Variants in ANKS4B observed in about 807,000 individuals in gnomAD.
The protein encoded by ANKS4B is ankyrin repeat and SAM domain-containing protein 4B.
Under a neutral mutation model 20.2 loss-of-function variants are expected in ANKS4B, and 21 were observed. That is an observed-to-expected ratio of 1.04 (90% CI 0.74 to 1.50). ANKS4B has a LOEUF of 1.50. Ranked by LOEUF, ANKS4B falls within the 40% of genes most tolerant of loss-of-function variation. The probability of loss-of-function intolerance (pLI) is 0.00; values close to 1 mark genes in which losing one functional copy is unlikely to be tolerated. For synonymous variants in ANKS4B, 179 were observed against 194.5 expected (o/e 0.92, Z 0.66); for missense variants, 473 against 494.6 (o/e 0.96, Z 0.41).
At chr16:21,243,237 C>T (rs1251606467) in intron 1 of ANKS4B, among the ~76,000 whole-genome samples, 1 of 152,130 alleles carries the variant, frequency 6.6e-6, no homozygotes, top group Non-Finnish European at 1.5e-5. Context: ...CCCAAATGCA[C>T]TGATCTACCA....
At chr16:21,236,196 G>C (rs2093320017) in intron 1 of ANKS4B, among the ~76,000 whole-genome samples, 3 of 152,156 alleles carry the variant, frequency 2.0e-5, no homozygotes, top group African/African-American at 2.4e-5. Context: ...AAGAGCAAGA[G>C]AGCAAGGGGG....
intron 1 of ANKS4B, among the ~76,000 whole-genome samples, chr16:21,242,026 C>T (rs1449623993): frequency 6.6e-6 from 1 of 152,032 alleles, no homozygotes; most frequent in Non-Finnish European, 1.5e-5. Flanking sequence ...AGCAAGACCC[C>T]ATCTCTATAA....
At position 21,233,846 on chromosome 16, in the gene ANKS4B, C is replaced by T; in HGVS notation, c.109C>T (p.Leu37Phe). The T allele has an allele frequency of 6.2e-7, 1 of 1,613,928 alleles. No homozygotes were observed. The highest frequency in any genetic ancestry group is 8.5e-7 in the Non-Finnish European group (1 of 1,179,898). The change falls in exon 1 of 2, where the codon CTC becomes TTC. Residue 37 changes from leucine to phenylalanine, a missense_variant. By Grantham distance (22) the Leu-to-Phe change is conservative (BLOSUM62 0). Transcript: ENST00000311620. ...LSDEDGMTPT[L>F]LAAYHGNLEA... is the part of the protein sequence containing the mutation. ...GGATGAAGACGGCATGACTCCTACTCTCTTGGCAGCCTACCATGGGAACTT... is the reference window on the plus strand; with the variant it reads ...GGATGAAGACGGCATGACTCCTACTTTCTTGGCAGCCTACCATGGGAACTT...
intron 1 of ANKS4B, chr16:21,243,957 T>C (rs2093329388): frequency 6.6e-6 from 1 of 152,010 alleles, no homozygotes; most frequent in Non-Finnish European, 1.5e-5. Flanking sequence ...AAATCTGGAA[T>C]TTTGCATTTG....
chr16:21,233,915 G>C lies in ANKS4B; in HGVS notation c.164+14G>C, dbSNP rs80309868. 5.6e-6 allele frequency: 9 copies of C among 1,603,386 alleles called. No individual in the cohort carries two copies. Among genetic ancestry groups the C allele is most frequent in the Non-Finnish European group, 7.7e-6 (9 of 1,174,316 alleles). ...CTGCAGTAGAGGGTAAGTTCAACCCGATGGTTTCTGTTGGAAACAGTGTTC... is the reference window on the plus strand; with the variant it reads ...CTGCAGTAGAGGGTAAGTTCAACCCCATGGTTTCTGTTGGAAACAGTGTTC... On this transcript the variant is annotated intron_variant, in intron 1 of 1. Transcript: ENST00000311620.
chr16:21,242,612 C>T (rs1307437135), intron 1 of ANKS4B, among the ~76,000 whole-genome samples: 2 of 152,256 alleles, frequency 1.3e-5, no homozygotes, highest in Non-Finnish European at 2.9e-5. Flanking sequence ...TGACAGGATC[C>T]GTTTGTTTCT....
chr16:21,250,164 G>A lies in ANKS4B; in HGVS notation c.598G>A (p.Gly200Ser), dbSNP rs773788150. 3 of 1,613,978 alleles carry A rather than the reference G, an allele frequency of 1.9e-6. No individual in the cohort carries two copies. The highest frequency in any genetic ancestry group is 1.7e-6 in the Non-Finnish European group (2 of 1,180,028). ...TGGCACATTCGGGTCACTATCTAAG[G>A]GCATTAAAGACACTTTCAAGATCAA... Reference protein sequence around the residue: ...APGTFGSLSKGIKDTFKIKFK... With the variant: ...APGTFGSLSKSIKDTFKIKFK... Residue 200 changes from glycine (G) to serine (S), a missense_variant, in exon 2 of 2, where the codon GGC becomes AGC. Transcript: ENST00000311620.
intron 1 of ANKS4B, 113 bp downstream of exon 1, chr16:21,234,014 C>A: frequency 9.3e-7 from 1 of 1,077,878 alleles, no homozygotes. Context: ...TCTAGATTGT[C>A]TAAATGATTG....
chr16:21,244,717 T>G (rs779891420), intron 1 of ANKS4B, among the ~76,000 whole-genome samples: 6 of 152,198 alleles, frequency 3.9e-5, no homozygotes, highest in Non-Finnish European at 8.8e-5. Flanking sequence ...TGAAACCACA[T>G]GTTTAGGGGG....
chr16:21,246,253 TTAGAACTTTTTAAA>T (rs2093332145), intron 1 of ANKS4B, among the ~76,000 whole-genome samples: 1 of 152,198 alleles, frequency 6.6e-6, no homozygotes, highest in Admixed American at 6.5e-5. Context: ...GGTTAGTAAC[TTAGAACTTTTTAAA>T]AGAGGCAAAG....
intron 1 of ANKS4B, among the ~76,000 whole-genome samples, chr16:21,236,962 G>C (rs567914775): frequency 6.6e-6 from 1 of 152,246 alleles, no homozygotes; most frequent in East Asian, 1.9e-4. Context: ...CACATAGTTT[G>C]TTTTCCCTAG....
intron 1 of ANKS4B, among the ~76,000 whole-genome samples, chr16:21,247,753 T>A (rs1282401328): frequency 6.6e-6 from 1 of 152,232 alleles, no homozygotes; most frequent in Admixed American, 6.5e-5. Context: ...GTTTGCTGCC[T>A]TGGGCAGGAT....
chr16:21,250,160 T>C lies in ANKS4B; in HGVS notation c.594T>C (p.Ser198=). The change falls in exon 2 of 2, where the codon TCT becomes TCC. Residue 198 remains serine, a synonymous_variant. Transcript: ENST00000311620. The stretch of plus-strand genomic sequence containing the variant: ...CTCCTGGCACATTCGGGTCACTATC[T>C]AAGGGCATTAAAGACACTTTCAAGA... The part of the protein sequence containing the change: ...ASAPGTFGSL[S]KGIKDTFKIK... 1 of 1,614,116 alleles carries C rather than the reference T, an allele frequency of 6.2e-7. No homozygotes were observed. The highest frequency in any genetic ancestry group is 8.5e-7 in the Non-Finnish European group (1 of 1,180,020).
intron 1 of ANKS4B, chr16:21,238,850 A>G (rs919965360): frequency 6.6e-6 from 1 of 151,606 alleles, no homozygotes; most frequent in South Asian, 2.1e-4. Context: ...TTCCTTCTCA[A>G]CTCCTTTCTT....
chr16:21,240,525 A>G (rs550795074), intron 1 of ANKS4B, among the ~76,000 whole-genome samples: 1 of 152,150 alleles, frequency 6.6e-6, no homozygotes, highest in Admixed American at 6.5e-5. Context: ...AAAGAAATAC[A>G]TACTTATTGT....
intron 1 of ANKS4B, among the ~76,000 whole-genome samples, chr16:21,235,262 GA>G (rs1287920072): frequency 6.6e-6 from 1 of 152,206 alleles, no homozygotes; most frequent in Non-Finnish European, 1.5e-5. Context: ...CTGGGATTAG[GA>G]AAATGAGAAC....
intron 1 of ANKS4B, among the ~76,000 whole-genome samples, chr16:21,249,211 C>T (rs1013950948): frequency 3.3e-5 from 5 of 152,152 alleles, no homozygotes; most frequent in South Asian, 2.1e-4. Flanking sequence ...CAGCCAGGCA[C>T]GGTGGCTTAC....
rs1319817271 is a variant in ANKS4B, at chr16:21,252,861, T to G, written c.*2041T>G. On this transcript the variant is annotated 3_prime_UTR_variant, in exon 2 of 2. Transcript: ENST00000311620. ...CAACATGGCGGAAACCCGTCTCTAC[T>G]AAAAATACAAAAATTAGCCAGGTGT... 1.3e-5 allele frequency: 2 copies of G among 151,778 alleles called. No individual in the cohort carries two copies. Among genetic ancestry groups the G allele is most frequent in the Non-Finnish European group, 2.9e-5 (2 of 67,958 alleles). 9.4% of individuals were successfully genotyped at this position (151,778 alleles called of 1,614,324 possible). A position where few individuals can be genotyped will look rare whatever the true frequency, so the allele number is the denominator to read the frequency against.
intron 1 of ANKS4B, among the ~76,000 whole-genome samples, chr16:21,247,383 C>A (rs1220041950): frequency 6.6e-6 from 1 of 152,176 alleles, no homozygotes; most frequent in Non-Finnish European, 1.5e-5. Flanking sequence ...ACAGGTGATG[C>A]ATCTGCTTCT....
Sources: gnomAD v4.1 joint callset for allele counts (sites outside exome capture counted in the v4.1 genomes callset) on GRCh38, gnomAD v4.1.1 for gene constraint, MANE v1.5 for transcripts, NCBI Gene and HGNC (gene_info 2026-07-23, HGNC 2026-07-21) for gene names.